Variants in PKHD1 observed in about 807,000 individuals in gnomAD.
The protein encoded by PKHD1 is fibrocystin.
Under a neutral mutation model 412.0 loss-of-function variants are expected in PKHD1, and 291 were observed. The ratio of observed to expected loss-of-function variants is 0.71; its 90% CI spans 0.64 to 0.78. The LOEUF is 0.78. Ranked by LOEUF, PKHD1 falls within the 30% of genes least tolerant of loss-of-function variation. The probability of loss-of-function intolerance (pLI) is 0.00; values close to 1 mark genes in which losing one functional copy is unlikely to be tolerated. For missense variants in PKHD1, 4,825 were observed against 4,950.7 expected (o/e 0.97, Z 0.76); for synonymous variants, 1,777 against 1,821.5 (o/e 0.98, Z 0.62).
At chr6:51,900,847 AG>A (rs1195749772) in intron 43 of PKHD1, among the ~76,000 whole-genome samples, 1 of 152,200 alleles carries the variant, frequency 6.6e-6, no homozygotes, top group Non-Finnish European at 1.5e-5. Flanking sequence ...CCCATCAAAA[AG>A]TGGGTGAAGG....
rs143867809 is a variant in PKHD1, at chr6:52,055,706, C to T, written c.1717G>A (p.Gly573Arg). 5 of 1,613,784 alleles carry T rather than the reference C, an allele frequency of 3.1e-6. No individual in the cohort carries two copies. The highest frequency in any genetic ancestry group is 1.7e-5 in the Admixed American group (1 of 59,998). The change falls in exon 19 of 67, where the codon GGG becomes AGG. Residue 573 changes from glycine to arginine, a missense_variant. By Grantham distance (125) the Gly-to-Arg change is moderately radical. Transcript: ENST00000371117. ...GGCTCCGTCCCACTGGTGAGGTCCC[C>T]ATCAGAGTTGGAAACTTCTGGGCCT... ...ERGPEVSNSD[G>R]DLTSGTEPFC...
At chr6:51,810,183 T>G (rs1222024338) in intron 52 of PKHD1, among the ~76,000 whole-genome samples, 1 of 152,092 alleles carries the variant, frequency 6.6e-6, no homozygotes, top group African/African-American at 2.4e-5. Flanking sequence ...TTAAAAAAAT[T>G]GATTTGGGGT....
chr6:52,072,857 C>G (rs769791010), intron 7 of PKHD1, among the ~76,000 whole-genome samples: 47 of 152,286 alleles, frequency 3.1e-4, no homozygotes, highest in Middle Eastern at 6.8e-3. Flanking sequence ...TGAATGATTA[C>G]AGTTGCTTAG....
In PKHD1 at chr6:51,616,415, C is replaced by T. The variant is rs77036429; in HGVS notation, c.*2666G>A. ...ATATTTGCTGGGTTACCCATGTTAA[C>T]GATCTGAATAAATTTAGAGTTGGCC... On this transcript the variant is annotated 3_prime_UTR_variant, in exon 67 of 67. Coordinates refer to ENST00000371117, the MANE Select transcript of PKHD1 (RefSeq NM_138694.4). 2,287 of 356,510 alleles carry T rather than the reference C, an allele frequency of 6.4e-3. 51 individuals are homozygous for T. Among genetic ancestry groups the T allele is most frequent in the African/African-American group, 0.044 (2,111 of 47,748 alleles). 22.1% of individuals were successfully genotyped at this position (356,510 alleles called of 1,614,324 possible).
At chr6:51,883,723 A>T (rs1312206568) in intron 45 of PKHD1, among the ~76,000 whole-genome samples, 2 of 152,238 alleles carry the variant, frequency 1.3e-5, no homozygotes, top group African/African-American at 4.8e-5. Context: ...GGGTCATATA[A>T]TAACAAAATT....
At chr6:51,629,471 A>T (rs1312745082) in intron 65 of PKHD1, among the ~76,000 whole-genome samples, 1 of 152,104 alleles carries the variant, frequency 6.6e-6, no homozygotes, top group East Asian at 1.9e-4. Context: ...AATGCTCATC[A>T]TCACTAATCA....
At chr6:51,849,547 C>T (rs1771817376) in intron 49 of PKHD1, among the ~76,000 whole-genome samples, 1 of 152,206 alleles carries the variant, frequency 6.6e-6, no homozygotes, top group South Asian at 2.1e-4. Context: ...CACAGCCTCA[C>T]CAGCTTTCAT....
chr6:52,060,616 A>G (rs1808530439), intron 14 of PKHD1, among the ~76,000 whole-genome samples: 1 of 152,174 alleles, frequency 6.6e-6, no homozygotes, highest in Admixed American at 6.5e-5. Flanking sequence ...TATTTTTAAT[A>G]TTTAAATTCC....
intron 54 of PKHD1, among the ~76,000 whole-genome samples, chr6:51,774,022 C>A (rs947286168): frequency 1.3e-5 from 2 of 151,878 alleles, no homozygotes; most frequent in Middle Eastern, 3.4e-3. Flanking sequence ...CATCTTTTTT[C>A]ACTATAGGCT....
At chr6:51,815,624 G>A (rs531017097) in intron 52 of PKHD1, among the ~76,000 whole-genome samples, 2 of 152,182 alleles carry the variant, frequency 1.3e-5, no homozygotes, top group South Asian at 2.1e-4. Flanking sequence ...AACAGCAGAC[G>A]ATGAGGCCAG....
At chr6:51,767,242 C>T (rs1045977403) in intron 55 of PKHD1, among the ~76,000 whole-genome samples, 5 of 151,584 alleles carry the variant, frequency 3.3e-5, no homozygotes, top group South Asian at 2.1e-4. Context: ...TAATGTTTGG[C>T]TATTTTCTCT....
At chr6:52,079,753 T>A (rs1429583407) in intron 5 of PKHD1, 147 bp downstream of exon 5, 1 of 735,894 alleles carries the variant, frequency 1.4e-6, no homozygotes, top group African/African-American at 1.7e-5. Flanking sequence ...TTCATTAGTA[T>A]AATATAAGAA....
At position 51,775,763 on chromosome 6, in the gene PKHD1, C is replaced by A. The variant is rs1445592181; in HGVS notation, c.8554+45G>T. On this transcript the variant is annotated intron_variant, in intron 54 of 66. Coordinates refer to ENST00000371117, the MANE Select transcript of PKHD1 (RefSeq NM_138694.4). ...CTATCAGACACAAGCACACAATACA[C>A]ACACATGCATTTTATTTTTAATAAA... is the stretch of plus-strand genomic sequence containing the variant. 4 of 908,154 alleles carry A rather than the reference C, an allele frequency of 4.4e-6. No individual in the cohort carries two copies. The African/African-American group carries it at 6.6e-5, about 15-fold the overall frequency. 56.3% of individuals were successfully genotyped at this position (908,154 alleles called of 1,614,324 possible).
At chr6:51,732,185 A>G (rs1783313715) in intron 60 of PKHD1, among the ~76,000 whole-genome samples, 1 of 152,146 alleles carries the variant, frequency 6.6e-6, no homozygotes, top group Non-Finnish European at 1.5e-5. Flanking sequence ...CTGGTGCATT[A>G]TATTTCTTTT....
At chr6:51,903,275 TA>T (rs1187435632) in intron 43 of PKHD1, among the ~76,000 whole-genome samples, 3 of 152,194 alleles carry the variant, frequency 2.0e-5, no homozygotes, top group Admixed American at 6.5e-5. Flanking sequence ...ACACCACCAC[TA>T]ACGCTGCCAC....
intron 35 of PKHD1, among the ~76,000 whole-genome samples, chr6:52,009,394 A>T (rs1156814961): frequency 6.6e-6 from 1 of 152,246 alleles, no homozygotes; most frequent in African/African-American, 2.4e-5. Context: ...GAAGCCAGGA[A>T]GCTGACTTTT....
At chr6:51,880,807 A>AAAAAAAAAAAAAAAAAT (rs1777175652) in intron 46 of PKHD1, among the ~76,000 whole-genome samples, 1 of 70,404 alleles carries the variant, frequency 1.4e-5, no homozygotes, top group African/African-American at 5.1e-5. Flanking sequence ...AAAAAAAAAA[A>AAAAAAAAAAAAAAAAAT]CACAAAAAAT....
At chr6:51,714,461 A>C (rs1410433512) in intron 60 of PKHD1, among the ~76,000 whole-genome samples, 1 of 152,226 alleles carries the variant, frequency 6.6e-6, no homozygotes, top group African/African-American at 2.4e-5. Context: ...ATGGAAGTGC[A>C]TGACGGGCCA....
chr6:51,791,649 G>T (rs1398454472), intron 52 of PKHD1, among the ~76,000 whole-genome samples: 1 of 152,184 alleles, frequency 6.6e-6, no homozygotes, highest in South Asian at 2.1e-4. Flanking sequence ...TAGTGCAGTG[G>T]AAACACACAG....
Sources: allele counts gnomAD v4.1 joint callset (sites outside exome capture counted in the v4.1 genomes callset), GRCh38; gene constraint gnomAD v4.1.1; transcripts MANE v1.5; gene names NCBI Gene and HGNC (gene_info 2026-07-23, HGNC 2026-07-21).